PAQR9: variants seen among roughly 807,000 people sequenced by gnomAD.
PAQR9 encodes the protein progestin and adipoQ receptor family member 9, also known as membrane progestin receptor epsilon.
In PAQR9, 12 loss-of-function variants were observed where a neutral mutation model predicts 24.0. The observed-to-expected ratio is 0.50, with a 90% CI of 0.32 to 0.81. The LOEUF (loss-of-function observed/expected upper bound fraction) is 0.81, where lower values mean the gene tolerates loss of function less well. PAQR9 is among the 30% of genes least tolerant of loss of function. The pLI, the probability that PAQR9 is intolerant of heterozygous loss-of-function variation, is 0.03. For missense variants in PAQR9, 418 were observed against 520.8 expected (o/e 0.80, Z 1.92); for synonymous variants, 266 against 237.6 (o/e 1.12, Z -1.10).
chr3:142,961,229 C>T lies in PAQR9; in HGVS notation c.*974G>A, dbSNP rs1289104855. The T allele has an allele frequency of 6.6e-6, 1 of 152,470 alleles. No individual in the cohort carries two copies. The highest frequency in any genetic ancestry group is 2.4e-5 in the African/African-American group (1 of 41,372). 9.4% of individuals were successfully genotyped at this position (152,470 alleles called of 1,614,324 possible). On this transcript the variant is annotated 3_prime_UTR_variant, in exon 1 of 1. Transcript: ENST00000340634. ...TAAGAAACTGTGTTTGAGGACCAGT[C>T]ATTTGGACTTTGCTTCAAAAGGCAC...
chr3:142,950,654 A>T (rs1934700030), downstream of PAQR9: 1 of 338,408 alleles, frequency 3.0e-6, no homozygotes, highest in African/African-American at 2.2e-5. Flanking sequence ...GAATTATATG[A>T]AGACCTGTGC....
rs1178059926 is a variant in PAQR9 at position 142,958,819 on chromosome 3, C to T, written c.*3384G>A. Among the ~76,000 whole-genome samples, 1 of 152,176 alleles carries T rather than the reference C, an allele frequency of 6.6e-6. No individual in the cohort carries two copies. Among genetic ancestry groups the T allele is most frequent in the East Asian group, 1.9e-4 (1 of 5,202 alleles). On this transcript the variant is annotated 3_prime_UTR_variant, in exon 1 of 1. Transcript: ENST00000340634. ...GTGGAAAAGTTCACATTTATTTTTA[C>T]AAGCCAGTCATGACATGACCGAGGA...
upstream of PAQR9, chr3:142,963,890 G>A (rs1256693652): frequency 2.0e-6 from 2 of 985,296 alleles, no homozygotes; most frequent in South Asian, 4.7e-5. Context: ...GGGCCGCCCC[G>A]TTAATGATTG....
chr3:142,949,330 A>T (rs1178266331), exon 3 of PAQR9: 1 of 152,234 alleles, frequency 6.6e-6, no homozygotes, highest in Admixed American at 6.5e-5. Context: ...GTAGGGATGA[A>T]CTAATGCAGT....
downstream of PAQR9, among the ~76,000 whole-genome samples, chr3:142,954,486 T>G (rs1457936282): frequency 6.6e-6 from 1 of 152,208 alleles, no homozygotes; most frequent in Admixed American, 6.5e-5. Flanking sequence ...TTTCTTATCT[T>G]GTTTATTAGT....
rs368955212 is a variant in PAQR9 at position 142,960,013 on chromosome 3, T to C, written c.*2190A>G. Among the ~76,000 whole-genome samples the C allele has an allele frequency of 3.3e-5, 5 of 152,332 alleles. No individual in the cohort carries two copies. Among genetic ancestry groups the C allele is most frequent in the African/African-American group, 9.6e-5 (4 of 41,578 alleles). On this transcript the variant is annotated 3_prime_UTR_variant, in exon 1 of 1. Coordinates refer to ENST00000340634, the MANE Select transcript of PAQR9 (RefSeq NM_198504.4). ...CTTGAATGCATCTATTGAATTAAGT[T>C]ACAGCTGAGGAATAACATCTGTTGT... is the stretch of plus-strand genomic sequence containing the variant.
At chr3:142,949,699 T>C (rs926670804), downstream of PAQR9, 3 of 152,230 alleles carry the variant, frequency 2.0e-5, no homozygotes, top group Non-Finnish European at 4.4e-5. Flanking sequence ...AGTGGACTTC[T>C]GAGAAAGGGA....
At chr3:142,951,256 G>C (rs529358308), downstream of PAQR9, among the ~76,000 whole-genome samples, 9 of 152,120 alleles carry the variant, frequency 5.9e-5, no homozygotes, top group African/African-American at 1.9e-4. Flanking sequence ...TATATTCTAA[G>C]TATCCATATT....
rs1185640015 is a variant in PAQR9, at chr3:142,960,179, A to C, written c.*2024T>G. On this transcript the variant is annotated 3_prime_UTR_variant, in exon 1 of 1. Coordinates refer to ENST00000340634, the MANE Select transcript of PAQR9 (RefSeq NM_198504.4). ...CTAAATTAAATATAGACATATATAA[A>C]TTTAACTTCTATGTGCAAAGTAACA... Among the ~76,000 whole-genome samples the C allele has an allele frequency of 6.6e-6, 1 of 152,234 alleles. No homozygotes were observed. The highest frequency in any genetic ancestry group is 6.5e-5 in the Admixed American group (1 of 15,286).
rs186408669 is a variant in PAQR9 at position 142,954,800 on chromosome 3, T to C, written c.*7403A>G. Among the ~76,000 whole-genome samples the C allele has an allele frequency of 1.0e-3, 156 of 152,340 alleles. 1 individual carries two copies. Among genetic ancestry groups the C allele is most frequent in the African/African-American group, 3.7e-3 (154 of 41,578 alleles). On this transcript the variant is annotated 3_prime_UTR_variant, in exon 1 of 1. Coordinates refer to ENST00000340634, the MANE Select transcript of PAQR9 (RefSeq NM_198504.4). ...AAGTGATACCTATTTCTATAGATTA[T>C]TTTATCACATAATGGAGAATTAAGA...
At chr3:142,949,377 G>A (rs1934685666) in exon 3 of PAQR9, 2 of 152,134 alleles carry the variant, frequency 1.3e-5, no homozygotes, top group African/African-American at 4.8e-5. Flanking sequence ...GTAAAAACTA[G>A]GCCATTAGCT....
chr3:142,962,122 A>C lies in PAQR9; in HGVS notation c.*81T>G, dbSNP rs992096250. ...TTGAGCAAAGAAGAAAACACAATGA[A>C]ATTTGAAAACAAACCAACAATAGCA... On this transcript the variant is annotated 3_prime_UTR_variant, in exon 1 of 1. Transcript: ENST00000340634. 3.4e-5 allele frequency: 49 copies of C among 1,460,514 alleles called. No individual in the cohort carries two copies. Among genetic ancestry groups the C allele is most frequent in the Non-Finnish European group, 4.4e-5 (47 of 1,070,164 alleles). 90.5% of individuals were successfully genotyped at this position (1,460,514 alleles called of 1,614,324 possible).
chr3:142,963,230 T>C lies in PAQR9; in HGVS notation c.107A>G (p.Asp36Gly), dbSNP rs752239167. Residue 36 changes from aspartate (D) to glycine (G), a missense_variant, in exon 1 of 1, where the codon GAC becomes GGC. By Grantham distance (94) the Asp-to-Gly change is moderately conservative. Coordinates refer to ENST00000340634, the MANE Select transcript of PAQR9 (RefSeq NM_198504.4). Reference protein sequence around the residue: ...ARNSHSAASRDPPASAKPLLR... With the variant: ...ARNSHSAASRGPPASAKPLLR... ...CAGCGGCTTGGCAGACGCTGGGGGGTCCCGGGAGGCGGCAGAGTGGGAGTT... is the reference window on the plus strand; with the variant it reads ...CAGCGGCTTGGCAGACGCTGGGGGGCCCCGGGAGGCGGCAGAGTGGGAGTT... 2 of 1,549,288 alleles carry C rather than the reference T, an allele frequency of 1.3e-6. No homozygotes were observed. The highest frequency in any genetic ancestry group is 1.7e-6 in the Non-Finnish European group (2 of 1,147,598).
At chr3:142,963,884 C>T (rs150166942), upstream of PAQR9, 2,654 of 985,320 alleles carry the variant, frequency 2.7e-3, 55 homozygotes, top group African/African-American at 0.044. Flanking sequence ...CAGCCCGGGC[C>T]GCCCCGTTAA....
Position 142,962,003 on chromosome 3 carries a change from C to T in PAQR9, c.*200G>A, listed in dbSNP as rs1439980375. 4 of 613,218 alleles carry T rather than the reference C, an allele frequency of 6.5e-6. No individual in the cohort carries two copies. The highest frequency in any genetic ancestry group is 1.9e-5 in the African/African-American group (1 of 53,848). 38.0% of individuals were successfully genotyped at this position (613,218 alleles called of 1,614,324 possible). On this transcript the variant is annotated 3_prime_UTR_variant, in exon 1 of 1. Transcript: ENST00000340634. ...AAGTGACTATCTCCCTCCCGCTTGA[C>T]CACCCCTGCCAACCTCCCTACTTCA...
chr3:142,961,608 T>C lies in PAQR9; in HGVS notation c.*595A>G, dbSNP rs1934891925. On this transcript the variant is annotated 3_prime_UTR_variant, in exon 1 of 1. Transcript: ENST00000340634. ...GCGTACCACAGGCTTTGATAAATTA[T>C]GAAAAATCAATGTATATATTACTAT... The C allele has an allele frequency of 6.5e-6, 1 of 154,084 alleles. No homozygotes were observed. The highest frequency in any genetic ancestry group is 6.4e-5 in the Admixed American group (1 of 15,514). The allele number at this position is 154,084 out of a possible 1,614,324, so 9.5% of individuals were successfully genotyped here.
rs1271262079 is a variant in PAQR9, at chr3:142,960,769, T to C, written c.*1434A>G. 1 of 152,224 alleles carries C rather than the reference T, an allele frequency of 6.6e-6. No individual in the cohort carries two copies. The highest frequency in any genetic ancestry group is 1.5e-5 in the Non-Finnish European group (1 of 68,032). The allele number at this position is 152,224 out of a possible 1,614,324, so 9.4% of individuals were successfully genotyped here. A position where few individuals can be genotyped will look rare whatever the true frequency, so the allele number is the denominator to read the frequency against. ...TTTGTTAGAAAGGATCTCAGGGACA[T>C]GCTCATGAATGTTTCAAGGATTTAG... On this transcript the variant is annotated 3_prime_UTR_variant, in exon 1 of 1. Transcript: ENST00000340634.
chr3:142,950,126 C>T (rs1934693833), downstream of PAQR9: 1 of 152,148 alleles, frequency 6.6e-6, no homozygotes, highest in Admixed American at 6.5e-5. Flanking sequence ...TCCATTAGAA[C>T]CTTTAGCATA....
Position 142,962,031 on chromosome 3 carries a change from G to A in PAQR9, c.*172C>T. 2 of 751,244 alleles carry A rather than the reference G, an allele frequency of 2.7e-6. No homozygotes were observed. Among genetic ancestry groups the A allele is most frequent in the Non-Finnish European group, 4.3e-6 (2 of 466,840 alleles). 46.5% of individuals were successfully genotyped at this position (751,244 alleles called of 1,614,324 possible). ...CCCCTGCCAACCTCCCTACTTCAAAGCCTCCAGTGGGTTGGGATCCCTTTG... is the reference window on the plus strand; with the variant it reads ...CCCCTGCCAACCTCCCTACTTCAAAACCTCCAGTGGGTTGGGATCCCTTTG... On this transcript the variant is annotated 3_prime_UTR_variant, in exon 1 of 1. Coordinates refer to ENST00000340634, the MANE Select transcript of PAQR9 (RefSeq NM_198504.4).
Sources: allele counts gnomAD v4.1 joint callset (sites outside exome capture counted in the v4.1 genomes callset), GRCh38; gene constraint gnomAD v4.1.1; transcripts MANE v1.5; gene names NCBI Gene and HGNC (gene_info 2026-07-23, HGNC 2026-07-21).